Variants in NCAM1 observed in about 807,000 individuals in gnomAD.
The protein encoded by NCAM1 is antigen recognized by monoclonal antibody 5.1H11.
A neutral mutation model predicts 109.8 loss-of-function variants in NCAM1; 14 were observed. The ratio of observed to expected loss-of-function variants is 0.13; its 90% CI spans 0.08 to 0.20. The LOEUF is 0.20. NCAM1 is among the 10% of genes least tolerant of loss of function. NCAM1 has a pLI of 1.00. For synonymous variants in NCAM1, 418 were observed against 442.9 expected, an observed-to-expected ratio of 0.94 and a Z score of 0.70; for missense variants, 774 against 1,109.9, an observed-to-expected ratio of 0.70 and a Z score of 4.30.
intron 1 of NCAM1, among the ~76,000 whole-genome samples, chr11:112,971,934 A>G (rs1213438936): frequency 6.6e-6 from 1 of 152,174 alleles, no homozygotes; most frequent in Non-Finnish European, 1.5e-5. Flanking sequence ...AAAGCAGATA[A>G]TTTTGGAAAG....
At chr11:113,191,650 G>C (rs1943676751) in intron 1 of NCAM1, among the ~76,000 whole-genome samples, 1 of 152,130 alleles carries the variant, frequency 6.6e-6, no homozygotes, top group Non-Finnish European at 1.5e-5. Context: ...TTATAGGATT[G>C]TTGTGTGGAT....
chr11:113,232,266 T>C lies in NCAM1; in HGVS notation c.1337T>C (p.Ile446Thr). Residue 446 changes from isoleucine (I) to threonine (T), a missense_variant, in exon 11 of 20, where the codon ATC becomes ACC. This residue lies in a region of NCAM1 where 523 missense variants were observed against 784.2 expected (regional missense o/e 0.67). Transcript: ENST00000316851. ...CEVFAYPSAT[I>T]SWFRDGQLLP... Reference sequence around the variant, plus strand: ...GTATTTGCCTATCCCAGTGCCACGATCTCATGGTTTCGGGATGGCCAGCTG... The same window carrying C: ...GTATTTGCCTATCCCAGTGCCACGACCTCATGGTTTCGGGATGGCCAGCTG... 1.2e-6 allele frequency: 2 copies of C among 1,613,914 alleles called. No individual in the cohort carries two copies. Among genetic ancestry groups the C allele is most frequent in the Non-Finnish European group, 1.7e-6 (2 of 1,179,836 alleles).
chr11:112,968,599 G>A (rs532703572), intron 1 of NCAM1, among the ~76,000 whole-genome samples: 7 of 152,258 alleles, frequency 4.6e-5, no homozygotes, highest in South Asian at 4.1e-4. Flanking sequence ...TGAACTAAAC[G>A]TACATCGTCC....
chr11:113,232,491 TGA>T (rs1945041667), intron 11 of NCAM1, 137 bp downstream of exon 11: 3 of 986,384 alleles, frequency 3.0e-6, no homozygotes, highest in Non-Finnish European at 4.4e-6. Context: ...GAGAAGACAC[TGA>T]GCCTCTTTTC....
chr11:113,162,450 G>A (rs1426890753), intron 1 of NCAM1, among the ~76,000 whole-genome samples: 29 of 152,268 alleles, frequency 1.9e-4, no homozygotes, highest in African/African-American at 6.5e-4. Context: ...GGCGCCTGCT[G>A]TTATCTTAGA....
chr11:113,015,369 T>A (rs1249313053), intron 1 of NCAM1, among the ~76,000 whole-genome samples: 1 of 152,222 alleles, frequency 6.6e-6, no homozygotes, highest in Non-Finnish European at 1.5e-5. Context: ...GATTGACACA[T>A]CTGGTTCAAC....
chr11:113,157,367 A>G (rs1942452003), intron 1 of NCAM1, among the ~76,000 whole-genome samples: 2 of 152,202 alleles, frequency 1.3e-5, no homozygotes, highest in Non-Finnish European at 2.9e-5. Context: ...TCCCACATCA[A>G]ACAAACCAAA....
In NCAM1 at chr11:113,100,488, G is replaced by GGT. The variant is rs1555091317; in HGVS notation, c.53-101891_53-101890insGT. ...GCATCCAGGAAGAAGCAGGTCACGT[G>GGT]CACTTGAAGGATGGTGAATGCAGAG... On this transcript the variant is annotated intron_variant, in intron 1 of 19. Coordinates refer to ENST00000316851, the MANE Select transcript of NCAM1 (RefSeq NM_181351.5). Among the ~76,000 whole-genome samples the GGT allele has an allele frequency of 3.9e-5, 6 of 152,268 alleles. No individual in the cohort carries two copies. In the East Asian group the frequency reaches 1.2e-3, roughly 29 times the overall value.
intron 1 of NCAM1, among the ~76,000 whole-genome samples, chr11:113,146,752 G>A (rs1197003699): frequency 2.0e-5 from 3 of 152,162 alleles, no homozygotes; most frequent in Non-Finnish European, 4.4e-5. Flanking sequence ...CCTAGCGAAG[G>A]CTTTGTGGGA....
intron 14 of NCAM1, among the ~76,000 whole-genome samples, chr11:113,241,432 T>C (rs1225742990): frequency 1.3e-5 from 2 of 152,186 alleles, no homozygotes; most frequent in African/African-American, 4.8e-5. Context: ...GAGCCTTGTT[T>C]ATCTCCTCTG....
At chr11:112,972,419 A>C (rs1395395640) in intron 1 of NCAM1, among the ~76,000 whole-genome samples, 2 of 152,162 alleles carry the variant, frequency 1.3e-5, no homozygotes, top group Non-Finnish European at 2.9e-5. Flanking sequence ...ATAATTCAGA[A>C]GGTAATAGTG....
intron 1 of NCAM1, among the ~76,000 whole-genome samples, chr11:113,131,258 G>C (rs1443315988): frequency 6.6e-6 from 1 of 152,136 alleles, no homozygotes; most frequent in African/African-American, 2.4e-5. Context: ...GATGTGATTA[G>C]CAGTGAGCCC....
intron 1 of NCAM1, among the ~76,000 whole-genome samples, chr11:113,100,277 GGGTGCCAGGGCTGGGGTGAGCACTTTT>G (rs1386229832): frequency 3.3e-5 from 5 of 152,182 alleles, no homozygotes; most frequent in African/African-American, 1.2e-4. Flanking sequence ...ACAAGCAAGT[GGGTGCCAGGGCTGGGGTGAGCACTTTT>G]GGGCTCTGGC....
chr11:113,076,366 T>G (rs1938525906), intron 1 of NCAM1, among the ~76,000 whole-genome samples: 1 of 152,254 alleles, frequency 6.6e-6, no homozygotes, highest in Non-Finnish European at 1.5e-5. Flanking sequence ...TTGTGAAAAC[T>G]GCTTGCTCAT....
intron 18 of NCAM1, among the ~76,000 whole-genome samples, chr11:113,271,369 C>CAAA (rs71060298): frequency 3.0e-4 from 20 of 66,872 alleles, no homozygotes; most frequent in African/African-American, 5.2e-4. Flanking sequence ...GACTCTGTCT[C>CAAA]AAAAAAAAAA....
chr11:113,165,062 GGGA>G (rs1942741508), intron 1 of NCAM1, among the ~76,000 whole-genome samples: 1 of 152,176 alleles, frequency 6.6e-6, no homozygotes, highest in Non-Finnish European at 1.5e-5. Flanking sequence ...CGATATCACA[GGGA>G]CCCACTGTCT....
chr11:113,082,911 G>A (rs1209402668), intron 1 of NCAM1, among the ~76,000 whole-genome samples: 2 of 152,210 alleles, frequency 1.3e-5, no homozygotes, highest in East Asian at 3.8e-4. Context: ...GTACTGTGAG[G>A]AGGGCAGTTT....
chr11:112,964,483 A>G (rs1198685015), intron 1 of NCAM1, among the ~76,000 whole-genome samples: 2 of 152,236 alleles, frequency 1.3e-5, no homozygotes, highest in Admixed American at 1.3e-4. Flanking sequence ...TGCAAGAGTC[A>G]AGGAATGGAT....
intron 1 of NCAM1, among the ~76,000 whole-genome samples, chr11:112,996,690 A>T (rs974117956): frequency 2.0e-5 from 3 of 152,166 alleles, no homozygotes; most frequent in African/African-American, 7.2e-5. Context: ...GCATTTCATC[A>T]TTAAGGAGGC....
Sources: allele counts gnomAD v4.1 joint callset (sites outside exome capture counted in the v4.1 genomes callset), GRCh38; gene constraint gnomAD v4.1.1; regional missense constraint gnomAD v4.1.1; transcripts MANE v1.5; gene names NCBI Gene and HGNC (gene_info 2026-07-23, HGNC 2026-07-21).